Variants in USP9X observed in about 807,000 individuals in gnomAD.
USP9X encodes the protein ubiquitin carboxyl-terminal hydrolase 9X.
A neutral mutation model predicts 190.3 loss-of-function variants in USP9X; 7 were observed. That is an observed-to-expected ratio of 0.04 (90% CI 0.02 to 0.07). The LOEUF (loss-of-function observed/expected upper bound fraction) is 0.07. Among genes scored for constraint, USP9X ranks in the 10% least tolerant of loss-of-function variants. The pLI, the probability that USP9X is intolerant of heterozygous loss-of-function variation, is 1.00. For synonymous variants in USP9X, 645 were observed against 659.5 expected, an observed-to-expected ratio of 0.98 and a Z score of 0.34; for missense variants, 1,010 against 1,916.9, an observed-to-expected ratio of 0.53 and a Z score of 8.83.
intron 1 of USP9X, among the ~76,000 whole-genome samples, chrX:41,097,686 C>T (rs921224222): frequency 2.7e-5 from 3 of 112,159 alleles, no homozygotes; most frequent in Non-Finnish European, 5.6e-5. Flanking sequence ...TACAAATCTC[C>T]TATCTGGCTT....
chrX:41,085,494 C>T lies in USP9X; in HGVS notation c.-774C>T, dbSNP rs1438624679. The stretch of plus-strand genomic sequence containing the variant: ...GAGGACGGGCATCCGCGGCTGCGGA[C>T]GCTAGTCTCCGCCGCCGCCGGAGCC... On this transcript the variant is annotated 5_prime_UTR_variant, in exon 1 of 45. It adds an upstream start codon to the 5' untranslated region. Coordinates refer to ENST00000378308, the MANE Select transcript of USP9X (RefSeq NM_001039591.3). 15 of 158,875 alleles carry T rather than the reference C, an allele frequency of 9.4e-5. No homozygotes were observed. The highest frequency in any genetic ancestry group is 3.9e-4 in the African/African-American group (12 of 31,145). The allele number at this position is 158,875 out of a possible 1,213,427, so 13.1% of individuals were successfully genotyped here.
At position 41,085,877 on chromosome X, in the gene USP9X, G is replaced by A. The variant is rs776921627; in HGVS notation, c.-391G>A. 3 of 298,985 alleles carry A rather than the reference G, an allele frequency of 1.0e-5. No homozygotes were observed. Among genetic ancestry groups the A allele is most frequent in the South Asian group, 1.9e-4 (1 of 5,164 alleles). The allele number at this position is 298,985 out of a possible 1,213,427, so 24.6% of individuals were successfully genotyped here. On this transcript the variant is annotated 5_prime_UTR_variant, in exon 1 of 45. Transcript: ENST00000378308. ...GAGGGCCGTCGCCGGCCAAGGAGGA[G>A]GAGGAGGCGGGCGCGGCGAGGAGCG...
chrX:41,102,475 T>A (rs1011566561), intron 1 of USP9X, among the ~76,000 whole-genome samples: 1 of 110,622 alleles, frequency 9.0e-6, no homozygotes, highest in Admixed American at 9.7e-5. Flanking sequence ...AAAAATTAAT[T>A]AGCTGAGTGT....
chrX:41,155,813 G>A, intron 14 of USP9X, among the ~76,000 whole-genome samples: 1 of 111,910 alleles, frequency 8.9e-6, no homozygotes, highest in East Asian at 2.8e-4. Context: ...AGAAACGGCT[G>A]TTTCCAGGCG....
At chrX:41,144,825 T>G (rs1233006602) in intron 11 of USP9X, among the ~76,000 whole-genome samples, 199 bp downstream of exon 11, 1 of 111,335 alleles carries the variant, frequency 9.0e-6, no homozygotes, top group Non-Finnish European at 1.9e-5. Flanking sequence ...TAATGGAAAC[T>G]CAGGCTATCA....
chrX:41,127,427 T>C (rs756488728), intron 2 of USP9X, among the ~76,000 whole-genome samples: 1 of 112,295 alleles, frequency 8.9e-6, no homozygotes, highest in East Asian at 2.8e-4. Context: ...CGGTGGTGTT[T>C]ATAGGTGTGG....
intron 2 of USP9X, among the ~76,000 whole-genome samples, chrX:41,124,445 G>GA (rs746202424): frequency 1.8e-5 from 2 of 110,324 alleles, no homozygotes; most frequent in Non-Finnish European, 3.8e-5. Context: ...CTCCATCTCC[G>GA]AAAAAAAAGA....
Position 41,217,299 on chromosome X carries a change from A to G in USP9X, c.6165A>G (p.Thr2055=). ...TTGCTGCTAGGTTCCTCTTTACTAC[A>G]GGATTTCACACAAAGAAAGTAGTCC... ...IQLAARFLFT[T]GFHTKKVVRG... Residue 2055 remains threonine, a synonymous_variant, in exon 36 of 45, where the codon ACA becomes ACG. Coordinates refer to ENST00000378308, the MANE Select transcript of USP9X (RefSeq NM_001039591.3). 8.3e-7 allele frequency: 1 copy of G among 1,210,593 alleles called. No individual in the cohort carries two copies.
chrX:41,226,814 CTTT>C (rs764041156), intron 41 of USP9X, among the ~76,000 whole-genome samples: 8 of 111,471 alleles, frequency 7.2e-5, no homozygotes, highest in African/African-American at 2.6e-4. Context: ...TTACTATTTT[CTTT>C]TTTAAAAATG....
Position 41,085,800 on chromosome X carries a change from C to T in USP9X, c.-468C>T, listed in dbSNP as rs1294759478. 1 of 297,419 alleles carries T rather than the reference C, an allele frequency of 3.4e-6. No individual in the cohort carries two copies. The highest frequency in any genetic ancestry group is 4.8e-5 in the East Asian group (1 of 20,980). The allele number at this position is 297,419 out of a possible 1,213,427, so 24.5% of individuals were successfully genotyped here. ...AGGTGACGCAGGAGAAACGCACCGCCCGGAGCCCGTCTGAGCTCAGCGAGA... is the reference window on the plus strand; with the variant it reads ...AGGTGACGCAGGAGAAACGCACCGCTCGGAGCCCGTCTGAGCTCAGCGAGA... On this transcript the variant is annotated 5_prime_UTR_variant, in exon 1 of 45. Coordinates refer to ENST00000378308, the MANE Select transcript of USP9X (RefSeq NM_001039591.3).
chrX:41,212,444 C>T (rs1160689157), intron 33 of USP9X, among the ~76,000 whole-genome samples: 1 of 79,103 alleles, frequency 1.3e-5, no homozygotes, highest in Non-Finnish European at 2.4e-5. Context: ...CAAGAAACAC[C>T]CAAGAATGAT....
At position 41,130,716 on chromosome X, in the gene USP9X, C is replaced by CT. The variant is rs2062304315; in HGVS notation, c.243-737dup. Among the ~76,000 whole-genome samples, 9 of 96,118 alleles carry CT rather than the reference C, an allele frequency of 9.4e-5. No individual in the cohort carries two copies. In the South Asian group the frequency reaches 4.4e-3, roughly 47 times the overall value. The allele number at this position is 96,118 out of a possible 115,157, so 83.5% of individuals were successfully genotyped here. The stretch of plus-strand genomic sequence containing the variant: ...GGCCAGGATGGTCTTGATCTCTTTT[C>CT]TTTTCTTTTTCTTTTTTTTTTCCTT... On this transcript the variant is annotated intron_variant, in intron 3 of 44. Transcript: ENST00000378308.
chrX:41,092,113 T>A (rs2061958879), intron 1 of USP9X, among the ~76,000 whole-genome samples: 1 of 111,987 alleles, frequency 8.9e-6, no homozygotes, highest in Non-Finnish European at 1.9e-5. Flanking sequence ...GAACACCATG[T>A]TAGTCAACCA....
intron 11 of USP9X, among the ~76,000 whole-genome samples, 159 bp from the exon 12 acceptor site, chrX:41,148,209 TA>T (rs973069386): frequency 9.0e-6 from 1 of 111,273 alleles, no homozygotes; most frequent in Non-Finnish European, 1.9e-5. Context: ...CTCTACCCTA[TA>T]AAAAAAATAC....
At position 41,086,743 on chromosome X, in the gene USP9X, C is replaced by T. The variant is rs184110031; in HGVS notation, c.-159+634C>T. ...TCGCCCCGCTTTATTTGCAGAGGGC[C>T]AAAGCCGTGAAAGGGGTTTTTGAAT... On this transcript the variant is annotated intron_variant, in intron 1 of 44. Coordinates refer to ENST00000378308, the MANE Select transcript of USP9X (RefSeq NM_001039591.3). Among the ~76,000 whole-genome samples the T allele has an allele frequency of 6.8e-4, 76 of 112,514 alleles. 1 individual carries two copies. Among genetic ancestry groups the T allele is most frequent in the Admixed American group, 6.5e-3 (70 of 10,736 alleles).
chrX:41,132,914 A>G (rs1045065587), intron 4 of USP9X, among the ~76,000 whole-genome samples: 25 of 111,600 alleles, frequency 2.2e-4, no homozygotes, highest in African/African-American at 7.8e-4. Flanking sequence ...TTTTCCCCCA[A>G]TGACTTTGGT....
chrX:41,126,717 C>T (rs2062257224), intron 2 of USP9X, among the ~76,000 whole-genome samples: 2 of 111,239 alleles, frequency 1.8e-5, no homozygotes, highest in Middle Eastern at 4.6e-3. Context: ...CTCACTCTTA[C>T]ATTTTGTTTT....
chrX:41,174,605 A>G (rs1463181364), intron 21 of USP9X, among the ~76,000 whole-genome samples: 1 of 112,018 alleles, frequency 8.9e-6, no homozygotes, highest in Non-Finnish European at 1.9e-5. Flanking sequence ...CCAGTCAGAT[A>G]GTATGTAATT....
chrX:41,224,733 G>A lies in USP9X; in HGVS notation c.6752-9G>A. 8.4e-7 allele frequency: 1 copy of A among 1,188,654 alleles called. No individual in the cohort carries two copies. The highest frequency in any genetic ancestry group is 1.1e-6 in the Non-Finnish European group (1 of 876,713). ...TTAGTTTTTTATTGGTGACAAATCT[G>A]TATTCTAGGTAATCCTCCTCTTCCC... On this transcript the variant is annotated splice_polypyrimidine_tract_variant and intron_variant, in intron 39 of 44. Transcript: ENST00000378308.
Sources: gnomAD v4.1 joint callset for allele counts (sites outside exome capture counted in the v4.1 genomes callset) on GRCh38, gnomAD v4.1.1 for gene constraint, MANE v1.5 for transcripts, NCBI Gene and HGNC (gene_info 2026-07-23, HGNC 2026-07-21) for gene names.